Variants in NRG1 observed in about 807,000 individuals in gnomAD.
NRG1 encodes neuregulin 1.
Under a neutral mutation model 63.8 loss-of-function variants are expected in NRG1, and 18 were observed. That is an observed-to-expected ratio of 0.28 (90% CI 0.19 to 0.42). NRG1 has a LOEUF of 0.42. NRG1 is among the 10% of genes least tolerant of loss of function. The pLI, the probability that NRG1 is intolerant of heterozygous loss-of-function variation, is 1.00. For missense variants in NRG1, 762 were observed against 814.7 expected (o/e 0.94, Z 0.79); for synonymous variants, 302 against 301.3 (o/e 1.00, Z -0.02).
intron 2 of NRG1, among the ~76,000 whole-genome samples, chr8:32,597,169 T>C (rs1040129092): frequency 2.0e-5 from 3 of 152,206 alleles, no homozygotes; most frequent in African/African-American, 7.2e-5. Flanking sequence ...TGATATTTTC[T>C]GCACTCACAT....
intron 1 of NRG1, among the ~76,000 whole-genome samples, chr8:32,405,602 A>G (rs1441988234): frequency 6.6e-6 from 1 of 152,146 alleles, no homozygotes. Flanking sequence ...CCACACTTGT[A>G]CAGTCATGTA....
intron 1 of NRG1, among the ~76,000 whole-genome samples, chr8:32,349,466 T>C (rs1805320029): frequency 6.6e-6 from 1 of 152,124 alleles, no homozygotes; most frequent in African/African-American, 2.4e-5. Context: ...CAAGGTACCA[T>C]ACACATGGGA....
intron 1 of NRG1, among the ~76,000 whole-genome samples, chr8:32,434,716 C>G (rs1818571138): frequency 6.6e-6 from 1 of 151,972 alleles, no homozygotes; most frequent in Admixed American, 6.6e-5. Context: ...AAATAACTTA[C>G]AGGAGATTGC....
chr8:32,620,329 A>G (rs1309061735), intron 5 of NRG1, among the ~76,000 whole-genome samples: 1 of 152,084 alleles, frequency 6.6e-6, no homozygotes, highest in Non-Finnish European at 1.5e-5. Context: ...TCTAAAGTAA[A>G]TGTTGAAAAG....
intron 1 of NRG1, among the ~76,000 whole-genome samples, chr8:32,495,347 G>C (rs994380139): frequency 6.6e-6 from 1 of 152,168 alleles, no homozygotes; most frequent in East Asian, 1.9e-4. Flanking sequence ...CATGTAAGAC[G>C]TGACTTTGTT....
downstream of NRG1, among the ~76,000 whole-genome samples, chr8:32,772,041 GTATATATATATATATATATATATA>G (rs1157977487): frequency 1.1e-3 from 12 of 10,558 alleles, 1 homozygote; most frequent in African/African-American, 1.9e-3. Context: ...AAAAAAATAT[GTATATATATATATATATATATATA>G]TATATATATA....
At chr8:32,443,726 C>T (rs767547984) in intron 1 of NRG1, among the ~76,000 whole-genome samples, 22 of 152,114 alleles carry the variant, frequency 1.4e-4, no homozygotes, top group Non-Finnish European at 2.4e-4. Flanking sequence ...ATTTACCAAG[C>T]CTTCCTAGAT....
intron 1 of NRG1, among the ~76,000 whole-genome samples, chr8:31,967,203 G>C (rs1355701494): frequency 1.3e-5 from 2 of 152,098 alleles, no homozygotes; most frequent in Admixed American, 1.3e-4. Flanking sequence ...TGGGCAAATA[G>C]CTCCAGGACC....
rs370499331 is a variant in NRG1, at chr8:32,566,651, G to T, written c.100+17825G>T. Among the ~76,000 whole-genome samples, 14 of 152,330 alleles carry T rather than the reference G, an allele frequency of 9.2e-5. 3 individuals carry two copies. Among genetic ancestry groups the T allele is most frequent in the Admixed American group, 1.3e-4 (2 of 15,306 alleles). The stretch of plus-strand genomic sequence containing the variant: ...CTTTTTTGTCAAATTCTTTTAAGGT[G>T]ATGTTTATTATATTTCATTCAGCAC... On this transcript the variant is annotated intron_variant, in intron 1 of 11. Transcript: ENST00000356819.
In NRG1 at chr8:31,972,607, A is replaced by C. The variant is rs934584602; in HGVS notation, c.37+333176A>C. Among the ~76,000 whole-genome samples the C allele has an allele frequency of 2.6e-5, 4 of 152,116 alleles. No homozygotes were observed. The East Asian group carries it at 7.8e-4, about 30-fold the overall frequency. On this transcript the variant is annotated intron_variant, in intron 1 of 10. Coordinates refer to the NRG1 transcript ENST00000519301. Reference sequence around the variant, plus strand: ...TAGGACCCCAATGTTGATCACTTGAATTTCCCTTTCACCAGCTCACTGACT... The same window carrying C: ...TAGGACCCCAATGTTGATCACTTGACTTTCCCTTTCACCAGCTCACTGACT...
At chr8:32,610,534 G>T (rs1846197845) in intron 3 of NRG1, among the ~76,000 whole-genome samples, 1 of 152,124 alleles carries the variant, frequency 6.6e-6, no homozygotes, top group Non-Finnish European at 1.5e-5. Context: ...TAAACGAAAT[G>T]ATTAAAAAAT....
chr8:31,815,183 A>G (rs1823316904), intron 1 of NRG1, among the ~76,000 whole-genome samples: 1 of 152,174 alleles, frequency 6.6e-6, no homozygotes, highest in Admixed American at 6.5e-5. Context: ...ATCCATTGCC[A>G]TAGCTCCTTT....
chr8:32,022,426 C>T (rs1816596401), intron 1 of NRG1, among the ~76,000 whole-genome samples: 2 of 152,134 alleles, frequency 1.3e-5, no homozygotes, highest in South Asian at 4.1e-4. Flanking sequence ...ATTTATTTTA[C>T]ATGAGCCACA....
chr8:32,059,330 C>T (rs1823479775), intron 1 of NRG1, among the ~76,000 whole-genome samples: 1 of 151,966 alleles, frequency 6.6e-6, no homozygotes, highest in Non-Finnish European at 1.5e-5. Flanking sequence ...CTACTCCACA[C>T]TGGACTTACA....
At chr8:32,388,663 T>C (rs1329267901) in intron 1 of NRG1, among the ~76,000 whole-genome samples, 1 of 151,364 alleles carries the variant, frequency 6.6e-6, no homozygotes, top group Non-Finnish European at 1.5e-5. Flanking sequence ...CGGTTTTTTT[T>C]TTTCGTCTCA....
intron 1 of NRG1, among the ~76,000 whole-genome samples, chr8:32,460,448 T>C (rs1822169373): frequency 1.3e-5 from 2 of 152,108 alleles, no homozygotes; most frequent in Admixed American, 1.3e-4. Flanking sequence ...CCTGTCAGAG[T>C]TTACAATTTG....
chr8:31,969,187 T>C (rs1289250566), intron 1 of NRG1, among the ~76,000 whole-genome samples: 1 of 152,232 alleles, frequency 6.6e-6, no homozygotes, highest in Non-Finnish European at 1.5e-5. Flanking sequence ...TTTTACTTTA[T>C]TTTTTAGTAA....
At chr8:31,929,910 G>A (rs1053583610) in intron 1 of NRG1, among the ~76,000 whole-genome samples, 2 of 152,004 alleles carry the variant, frequency 1.3e-5, no homozygotes, top group African/African-American at 4.8e-5. Context: ...CCTGTCTTTT[G>A]ACCTGACTAT....
At chr8:31,978,954 A>G (rs769289006) in intron 1 of NRG1, among the ~76,000 whole-genome samples, 2 of 152,164 alleles carry the variant, frequency 1.3e-5, no homozygotes, top group Non-Finnish European at 2.9e-5. Context: ...TATTTTAGTA[A>G]TTAACTGTCC....
Sources: gnomAD v4.1 joint callset for allele counts (sites outside exome capture counted in the v4.1 genomes callset) on GRCh38, gnomAD v4.1.1 for gene constraint, MANE v1.5 for transcripts, NCBI Gene and HGNC (gene_info 2026-07-23, HGNC 2026-07-21) for gene names.